HELQ: variants seen among roughly 807,000 people sequenced by gnomAD.
HELQ encodes helicase, POLQ like, also known as helicase POLQ-like.
A neutral mutation model predicts 111.6 loss-of-function variants in HELQ; 77 were observed. That is an observed-to-expected ratio of 0.69 (90% confidence interval 0.57 to 0.83). HELQ has a LOEUF of 0.83. Ranked by LOEUF, HELQ falls within the 40% of genes least tolerant of loss-of-function variation. HELQ has a pLI of 0.00. For missense variants in HELQ, 1,200 were observed against 1,288.5 expected, an observed-to-expected ratio of 0.93 and a Z score of 1.05; for synonymous variants, 438 against 454.7, an observed-to-expected ratio of 0.96 and a Z score of 0.47.
chr4:83,431,466 A>T (rs1720146609), intron 11 of HELQ, among the ~76,000 whole-genome samples, 198 bp downstream of exon 11: 1 of 152,090 alleles, frequency 6.6e-6, no homozygotes. Flanking sequence ...CCATTCCATG[A>T]TCTTTTAAAA....
chr4:83,425,861 T>C, intron 14 of HELQ, 133 bp downstream of exon 14: 1 of 570,886 alleles, frequency 1.8e-6, no homozygotes, highest in Non-Finnish European at 3.2e-6. Flanking sequence ...AAATGAACGT[T>C]ATACTAATTT....
intron 2 of HELQ, among the ~76,000 whole-genome samples, chr4:83,451,188 G>A (rs76066696): frequency 6.6e-6 from 1 of 152,238 alleles, no homozygotes; most frequent in African/African-American, 2.4e-5. Context: ...TGTAATTACT[G>A]ACAATCATTA....
Position 83,453,258 on chromosome 4 carries a change from G to A in HELQ, c.985C>T (p.Gln329Ter), listed in dbSNP as rs533588935. 2.5e-6 allele frequency: 4 copies of A among 1,608,348 alleles called. No individual in the cohort carries two copies. Among genetic ancestry groups the A allele is most frequent in the Non-Finnish European group, 3.4e-6 (4 of 1,177,952 alleles). Residue 329 changes from glutamine (Q) to a stop codon, truncating the protein, a stop_gained, in exon 2 of 18, where the codon CAA (glutamine) becomes TAA (stop). Transcript: ENST00000295488. LOFTEE classifies it high-confidence loss of function. Reference protein sequence around the residue: ...LPSKVRDLYAQFKGIEKLYEW... With the variant: ...LPSKVRDLYA ...TATAATTTTTCAATTCCCTTGAATT[G>A]GGCATAAAGGTCTCTCACTTTGCTG...
Position 83,421,574 on chromosome 4 carries a change from G to A in HELQ, c.2938C>T (p.His980Tyr), listed in dbSNP as rs1279769528. 2 of 1,611,592 alleles carry A rather than the reference G, an allele frequency of 1.2e-6. No individual in the cohort carries two copies. Among genetic ancestry groups the A allele is most frequent in the Non-Finnish European group, 1.7e-6 (2 of 1,178,592 alleles). The stretch of plus-strand genomic sequence containing the variant: ...TTCAATGAAATTACCTCACAGAAAT[G>A]TAACACACAAGATGAGAATGAGGCA... ...GTASFSSCVL[H>Y]FCEELEEFWV... Residue 980 changes from histidine to tyrosine, a missense_variant, in exon 15 of 18, where the codon CAT becomes TAT. By Grantham distance (83) the His-to-Tyr change is moderately conservative (BLOSUM62 2). Around this residue, in one of 3 missense-constraint regions of HELQ, gnomAD observed 585 missense variants for 665.3 expected, o/e 0.88. Coordinates refer to ENST00000295488, the MANE Select transcript of HELQ (RefSeq NM_133636.5).
rs1343110802 is a variant in HELQ at position 83,431,742 on chromosome 4, C to G, written c.2217G>C (p.Leu739Phe). Residue 739 changes from leucine to phenylalanine, a missense_variant, in exon 11 of 18, where the codon TTG (leucine) becomes TTC (phenylalanine). By Grantham distance (22) the Leu-to-Phe change is conservative (BLOSUM62 0). Coordinates refer to ENST00000295488, the MANE Select transcript of HELQ (RefSeq NM_133636.5). The part of the protein sequence containing the change: ...QQVLELITKP[L>F]ENCYSHLVQE... ...GAACAAGATGGCTGTAACAGTTTTCCAATGGTTTAGTTATTAACTCCAATA... is the reference window on the plus strand; with the variant it reads ...GAACAAGATGGCTGTAACAGTTTTCGAATGGTTTAGTTATTAACTCCAATA... 2 of 1,529,584 alleles carry G rather than the reference C, an allele frequency of 1.3e-6. No individual in the cohort carries two copies. The highest frequency in any genetic ancestry group is 2.8e-5 in the African/African-American group (2 of 70,832). 94.8% of individuals were successfully genotyped at this position (1,529,584 alleles called of 1,614,324 possible).
In HELQ at chr4:83,431,684, G is replaced by C. The variant is rs1720159584; in HGVS notation, c.2275C>G (p.Leu759Val). The part of the protein sequence containing the change: ...EFTKGIQTLF[L>V]SLIGLKIATN... The stretch of plus-strand genomic sequence containing the variant: ...AATACCTTCAAACCAATCAAAGAGA[G>C]AAATAATGTTTGGATTCCCTTGGTG... The change falls in exon 11 of 18, where the codon CTC becomes GTC. Residue 759 changes from leucine to valine, a missense_variant. Physicochemically the swap from Leu to Val is conservative, Grantham distance 32. Transcript: ENST00000295488. 1 of 1,548,660 alleles carries C rather than the reference G, an allele frequency of 6.5e-7. No individual in the cohort carries two copies. Among genetic ancestry groups the C allele is most frequent in the Non-Finnish European group, 8.7e-7 (1 of 1,144,236 alleles).
intron 9 of HELQ, among the ~76,000 whole-genome samples, chr4:83,433,614 G>A (rs1236866890): frequency 2.7e-5 from 4 of 149,582 alleles, no homozygotes; most frequent in East Asian, 2.0e-4. Flanking sequence ...TGCAGTGAGC[G>A]GAGATTGCGC....
At chr4:83,450,382 T>C (rs1326241060) in intron 2 of HELQ, among the ~76,000 whole-genome samples, 2 of 150,240 alleles carry the variant, frequency 1.3e-5, no homozygotes, top group Non-Finnish European at 3.0e-5. Flanking sequence ...AAAAAGAAAG[T>C]TATATCTGAA....
At position 83,455,794 on chromosome 4, in the gene HELQ, A is replaced by G; in HGVS notation, c.-101T>C. ...GACGCCGGAGCCCGCTTCTACATCC[A>G]CCTTGGGAAAAGACCCCAAGTTAGC... On this transcript the variant is annotated 5_prime_UTR_variant, in exon 1 of 18. Transcript: ENST00000295488. 8.2e-7 allele frequency: 1 copy of G among 1,213,748 alleles called. No individual in the cohort carries two copies. Among genetic ancestry groups the G allele is most frequent in the Middle Eastern group, 2.9e-4 (1 of 3,486 alleles). 75.2% of individuals were successfully genotyped at this position (1,213,748 alleles called of 1,614,324 possible). A position where few individuals can be genotyped will look rare whatever the true frequency, so the allele number is the denominator to read the frequency against.
rs1472419004 is a variant in HELQ, at chr4:83,427,735, C to A, written c.2519-15G>T. ...ATCTATAGTTCCTAAAAGAAAGATA[C>A]AAATATTCAATCTTTCACAATTACC... On this transcript the variant is annotated splice_polypyrimidine_tract_variant and intron_variant, in intron 12 of 17. Coordinates refer to ENST00000295488, the MANE Select transcript of HELQ (RefSeq NM_133636.5). The A allele has an allele frequency of 1.4e-6, 2 of 1,463,958 alleles. No homozygotes were observed. Among genetic ancestry groups the A allele is most frequent in the African/African-American group, 1.4e-5 (1 of 69,056 alleles). 90.7% of individuals were successfully genotyped at this position (1,463,958 alleles called of 1,614,324 possible).
chr4:83,419,198 G>C (rs11932812), intron 15 of HELQ, among the ~76,000 whole-genome samples: 1,763 of 136,422 alleles, frequency 0.013, 42 homozygotes, highest in African/African-American at 0.047. Flanking sequence ...ATAAGCTATT[G>C]TTAGTGTATT....
intron 17 of HELQ, among the ~76,000 whole-genome samples, chr4:83,414,579 T>C (rs1311458377): frequency 6.6e-6 from 1 of 152,194 alleles, no homozygotes; most frequent in Non-Finnish European, 1.5e-5. Flanking sequence ...GGGCTTCCAC[T>C]GGCCAAATCT....
At chr4:83,439,216 C>T (rs1720628828) in intron 8 of HELQ, among the ~76,000 whole-genome samples, 1 of 151,714 alleles carries the variant, frequency 6.6e-6, no homozygotes. Context: ...TACAGGTGCA[C>T]GCCACCACAC....
At chr4:83,411,804 TAAA>T (rs532836932) in intron 17 of HELQ, among the ~76,000 whole-genome samples, 3 of 147,594 alleles carry the variant, frequency 2.0e-5, no homozygotes, top group Non-Finnish European at 4.5e-5. Flanking sequence ...CCTGGCTAAT[TAAA>T]AAAAAAAATT....
At chr4:83,445,882 A>G in intron 5 of HELQ, 132 bp downstream of exon 5, 1 of 599,580 alleles carries the variant, frequency 1.7e-6, no homozygotes, top group South Asian at 2.3e-5. Flanking sequence ...ATTCATTAGA[A>G]ATTTTAAAAC....
chr4:83,447,901 T>C (rs1446131628), intron 3 of HELQ, among the ~76,000 whole-genome samples: 3 of 142,356 alleles, frequency 2.1e-5, no homozygotes, highest in Non-Finnish European at 3.0e-5. Flanking sequence ...ATTTTAGTAA[T>C]AGTTTCTGCT....
At chr4:83,413,270 T>C (rs1417783210) in intron 17 of HELQ, among the ~76,000 whole-genome samples, 1 of 152,178 alleles carries the variant, frequency 6.6e-6, no homozygotes, top group African/African-American at 2.4e-5. Context: ...GGTAAGAAGT[T>C]TTAGAAGCCC....
At chr4:83,408,850 T>C (rs1047600272) in intron 17 of HELQ, among the ~76,000 whole-genome samples, 1 of 152,038 alleles carries the variant, frequency 6.6e-6, no homozygotes, top group Non-Finnish European at 1.5e-5. Context: ...AGAAAAAGCC[T>C]ACCCAAATAT....
rs762550674 is a variant in HELQ, at chr4:83,418,154, T to A, written c.3002A>T (p.Lys1001Met). The A allele has an allele frequency of 6.2e-7, 1 of 1,610,462 alleles. No individual in the cohort carries two copies. The highest frequency in any genetic ancestry group is 8.5e-7 in the Non-Finnish European group (1 of 1,178,102). ...YRALLVELTK[K>M]LTYCVKAELI... ...TTCTGCCTTTACACAGTAAGTCAGC[T>A]TCTTGGTAAGTTCTACCAAAAGGGC... Residue 1001 changes from lysine (K) to methionine (M), a missense_variant, in exon 16 of 18, where the codon AAG (lysine) becomes ATG (methionine). Around this residue, in one of 3 missense-constraint regions of HELQ, gnomAD observed 585 missense variants for 665.3 expected, o/e 0.88. Transcript: ENST00000295488.
Sources: allele counts gnomAD v4.1 joint callset (sites outside exome capture counted in the v4.1 genomes callset), GRCh38; gene constraint gnomAD v4.1.1; regional missense constraint gnomAD v4.1.1; transcripts MANE v1.5; gene names NCBI Gene and HGNC (gene_info 2026-07-23, HGNC 2026-07-21).